The following TCAF2 variants were observed in gnomAD, a reference collection of about 807,000 sequenced individuals.
TCAF2 encodes the protein TRPM8 channel associated factor 2.
In TCAF2, 6 loss-of-function variants were observed where a neutral mutation model predicts 33.9. That is an observed-to-expected ratio of 0.18 (90% CI 0.10 to 0.35). TCAF2 has a LOEUF of 0.35. Among genes scored for constraint, TCAF2 ranks in the 10% least tolerant of loss-of-function variants. The probability of loss-of-function intolerance (pLI) is 1.00; values close to 1 mark genes in which losing one functional copy is unlikely to be tolerated. For synonymous variants in TCAF2, 41 were observed against 247.8 expected, an observed-to-expected ratio of 0.17 and a Z score of 7.84; for missense variants, 109 against 604.0, an observed-to-expected ratio of 0.18 and a Z score of 8.59.
intron 1 of TCAF2, among the ~76,000 whole-genome samples, chr7:143,647,857 G>T (rs1809088341): frequency 7.0e-6 from 1 of 143,814 alleles, no homozygotes; most frequent in African/African-American, 2.5e-5. Flanking sequence ...ACAACTGATG[G>T]CATATTATCA....
rs1335564256 is a variant in TCAF2 at position 143,729,076 on chromosome 7, A to T, written c.*1409A>T. ...GGGGCTCTACACATCAAAGGTGTTC[A>T]TGAAGTATTTGTCAAAGGAAAGAAC... On this transcript the variant is annotated 3_prime_UTR_variant, in exon 8 of 8. Transcript: ENST00000684770. 6.6e-6 allele frequency: 1 copy of T among 152,300 alleles called. No individual in the cohort carries two copies. The highest frequency in any genetic ancestry group is 1.9e-4 in the East Asian group (1 of 5,174). The allele number at this position is 152,300 out of a possible 1,614,324, so 9.4% of individuals were successfully genotyped here.
In TCAF2 at chr7:143,727,737, TG is replaced by T; in HGVS notation, c.*71del. 2.0e-6 allele frequency: 1 copy of T among 507,300 alleles called. No homozygotes were observed. Among genetic ancestry groups the T allele is most frequent in the Non-Finnish European group, 3.4e-6 (1 of 293,172 alleles). 31.4% of individuals were successfully genotyped at this position (507,300 alleles called of 1,614,324 possible). On this transcript the variant is annotated 3_prime_UTR_variant, in exon 8 of 8. Coordinates refer to ENST00000684770, the MANE Select transcript of TCAF2 (RefSeq NM_001363538.2). The stretch of plus-strand genomic sequence containing the variant: ...CAACTCCACCATGGGGCTTTGGCCG[TG>T]TGCTCAGTATCTGGAGCCTGAATCC...
chr7:143,648,914 G>GT (rs1809125462), intron 1 of TCAF2, among the ~76,000 whole-genome samples: 1 of 8,010 alleles, frequency 1.2e-4, no homozygotes, highest in South Asian at 5.4e-3. Context: ...AAATTTTGGG[G>GT]TAAAAAAAAT....
intron 2 of TCAF2, among the ~76,000 whole-genome samples, chr7:143,706,133 AC>A (rs1809217691): frequency 1.7e-5 from 1 of 57,688 alleles, no homozygotes; most frequent in Non-Finnish European, 2.9e-5. Context: ...GCCTTTTGGT[AC>A]CAGGACCTGT....
At chr7:143,720,938 C>T in intron 3 of TCAF2, 1 of 343,418 alleles carries the variant, frequency 2.9e-6, no homozygotes, top group Non-Finnish European at 5.2e-6. Flanking sequence ...CGCCACCATG[C>T]CTGGCTAATT....
chr7:143,730,070 GT>G lies in TCAF2; in HGVS notation c.*2404del, dbSNP rs1489858077. ...GTAAATAATGCTGCAATAAAAGTAT[GT>G]GTGCATGTGTCTTTATAGTAGAATG... On this transcript the variant is annotated 3_prime_UTR_variant, in exon 8 of 8. Coordinates refer to ENST00000684770, the MANE Select transcript of TCAF2 (RefSeq NM_001363538.2). 3 of 152,120 alleles carry G rather than the reference GT, an allele frequency of 2.0e-5. No homozygotes were observed. Among genetic ancestry groups the G allele is most frequent in the Non-Finnish European group, 4.4e-5 (3 of 68,022 alleles). 9.4% of individuals were successfully genotyped at this position (152,120 alleles called of 1,614,324 possible).
At chr7:143,718,548 A>C (rs1230015217) in intron 2 of TCAF2, among the ~76,000 whole-genome samples, 2 of 151,662 alleles carry the variant, frequency 1.3e-5, no homozygotes, top group Admixed American at 6.6e-5. Flanking sequence ...ATCTATTGTT[A>C]ACCATAATTT....
rs1170740056 is a variant in TCAF2 at position 143,647,970 on chromosome 7, G to A, written c.-12+26950G>A. 1.6e-3 allele frequency among the ~76,000 whole-genome samples: 200 copies of A among 125,330 alleles called. 1 individual carries two copies. Among genetic ancestry groups the A allele is most frequent in the African/African-American group, 5.4e-3 (191 of 35,232 alleles). 82.2% of individuals were successfully genotyped at this position (125,330 alleles called of 152,430 possible). A position where few individuals can be genotyped will look rare whatever the true frequency, so the allele number is the denominator to read the frequency against. ...AGTTTCGCTCTGTCGCCAGGCTAGAGTGCAGTGGCACAATCTCGGCTCACT... is the reference window on the plus strand; with the variant it reads ...AGTTTCGCTCTGTCGCCAGGCTAGAATGCAGTGGCACAATCTCGGCTCACT... On this transcript the variant is annotated intron_variant, in intron 1 of 7. Coordinates refer to ENST00000684770, the MANE Select transcript of TCAF2 (RefSeq NM_001363538.2).
chr7:143,702,114 G>A (rs1360218293), intron 1 of TCAF2, among the ~76,000 whole-genome samples: 3 of 13,072 alleles, frequency 2.3e-4, no homozygotes, highest in Admixed American at 1.6e-3. Context: ...AAGCCACTGC[G>A]CCTGGCCTAT....
In TCAF2 at chr7:143,728,121, A is replaced by G. The variant is rs959011302; in HGVS notation, c.*454A>G. 3.0e-5 allele frequency: 6 copies of G among 201,502 alleles called. No individual in the cohort carries two copies. Among genetic ancestry groups the G allele is most frequent in the Non-Finnish European group, 6.1e-5 (6 of 98,320 alleles). The allele number at this position is 201,502 out of a possible 1,614,324, so 12.5% of individuals were successfully genotyped here. A position where few individuals can be genotyped will look rare whatever the true frequency, so the allele number is the denominator to read the frequency against. ...AGAGCCCCAAACCAGCTTTGGTTCT[A>G]TGGAAAATCACTCCACCTCTCTGTG... is the stretch of plus-strand genomic sequence containing the variant. On this transcript the variant is annotated 3_prime_UTR_variant, in exon 8 of 8. Coordinates refer to ENST00000684770, the MANE Select transcript of TCAF2 (RefSeq NM_001363538.2).
chr7:143,647,897 TTTTC>T (rs1554471803), intron 1 of TCAF2, among the ~76,000 whole-genome samples: 2 of 123,658 alleles, frequency 1.6e-5, no homozygotes, highest in African/African-American at 2.8e-5. Flanking sequence ...TCTTTCTTTC[TTTTC>T]TTTCTTTCTT....
chr7:143,718,628 C>T (rs935366129), intron 2 of TCAF2, among the ~76,000 whole-genome samples: 1 of 139,974 alleles, frequency 7.1e-6, no homozygotes, highest in African/African-American at 2.7e-5. Context: ...TCTTGAAATA[C>T]AAAGCCTTTT....
In TCAF2 at chr7:143,728,459, T is replaced by G. The variant is rs944272250; in HGVS notation, c.*792T>G. The G allele has an allele frequency of 6.6e-6, 1 of 152,306 alleles. No individual in the cohort carries two copies. The highest frequency in any genetic ancestry group is 2.4e-5 in the African/African-American group (1 of 41,452). 9.4% of individuals were successfully genotyped at this position (152,306 alleles called of 1,614,324 possible). Reference sequence around the variant, plus strand: ...TAACCTAACCCAAAGAAAAGTGGCATGTGCTGAAACTGAGTGTCACAGAGC... The same window carrying G: ...TAACCTAACCCAAAGAAAAGTGGCAGGTGCTGAAACTGAGTGTCACAGAGC... On this transcript the variant is annotated 3_prime_UTR_variant, in exon 8 of 8. Transcript: ENST00000684770.
rs954755957 is a variant in TCAF2 at position 143,701,571 on chromosome 7, C to G, written c.-11-1413C>G. Among the ~76,000 whole-genome samples the G allele has an allele frequency of 9.0e-5, 3 of 33,374 alleles. 1 individual carries two copies. The highest frequency in any genetic ancestry group is 1.2e-4 in the Non-Finnish European group (2 of 17,142). 21.9% of individuals were successfully genotyped at this position (33,374 alleles called of 152,430 possible). A position where few individuals can be genotyped will look rare whatever the true frequency, so the allele number is the denominator to read the frequency against. ...CCTTACAGTGGGCTCGTCAGAGACG[C>G]GCAAAGGGAGGCGGCACAGGCAGCC... On this transcript the variant is annotated intron_variant, in intron 1 of 7. Coordinates refer to ENST00000684770, the MANE Select transcript of TCAF2 (RefSeq NM_001363538.2).
chr7:143,721,647 A>T (rs1456703751), intron 4 of TCAF2, among the ~76,000 whole-genome samples: 1 of 97,226 alleles, frequency 1.0e-5, no homozygotes, highest in Non-Finnish European at 2.0e-5. Flanking sequence ...ACCAAAAAAA[A>T]AAAACAAAAA....
In TCAF2 at chr7:143,728,198, CTGT is replaced by C. The variant is rs1384449039; in HGVS notation, c.*536_*538del. 1 of 179,848 alleles carries C rather than the reference CTGT, an allele frequency of 5.6e-6. No individual in the cohort carries two copies. The highest frequency in any genetic ancestry group is 2.4e-5 in the African/African-American group (1 of 41,624). The allele number at this position is 179,848 out of a possible 1,614,324, so 11.1% of individuals were successfully genotyped here. ...GGATACAAATCTTTTCCTCACAAAGCTGTTGTTTGATTTCTCCTGGTCCCATAG... is the reference window on the plus strand; with the variant it reads ...GGATACAAATCTTTTCCTCACAAAGCTGTTTGATTTCTCCTGGTCCCATAG... On this transcript the variant is annotated 3_prime_UTR_variant, in exon 8 of 8. Transcript: ENST00000684770.
intron 1 of TCAF2, among the ~76,000 whole-genome samples, chr7:143,628,137 A>T (rs1808833128): frequency 1.5e-5 from 1 of 66,740 alleles, no homozygotes; most frequent in African/African-American, 7.4e-5. Flanking sequence ...AAGTGTTAAC[A>T]CTGAAATTTA....
intron 2 of TCAF2, among the ~76,000 whole-genome samples, chr7:143,718,633 C>A (rs1206467500): frequency 7.3e-6 from 1 of 136,382 alleles, no homozygotes; most frequent in East Asian, 2.2e-4. Flanking sequence ...AAATACAAAG[C>A]CTTTTCTTGA....
At chr7:143,709,918 G>A in intron 2 of TCAF2, among the ~76,000 whole-genome samples, 1 of 55,964 alleles carries the variant, frequency 1.8e-5, no homozygotes, top group African/African-American at 5.2e-5. Flanking sequence ...GTCCCTTATT[G>A]ACAGGCACTT....
Sources: gnomAD v4.1 joint callset for allele counts (sites outside exome capture counted in the v4.1 genomes callset) on GRCh38, gnomAD v4.1.1 for gene constraint, MANE v1.5 for transcripts, NCBI Gene and HGNC (gene_info 2026-07-23, HGNC 2026-07-21) for gene names.